FGF9: variants seen among roughly 807,000 people sequenced by gnomAD.
The protein encoded by FGF9 is fibroblast growth factor 9, also known as fibroblast growth factor 9 (glia-activating factor).
In FGF9, 3 loss-of-function variants were observed where a neutral mutation model predicts 19.9. The ratio of observed to expected loss-of-function variants is 0.15; its 90% CI spans 0.07 to 0.39. FGF9 has a LOEUF of 0.39. Among genes scored for constraint, FGF9 ranks in the 10% least tolerant of loss-of-function variants. The pLI is 1.00. For synonymous variants in FGF9, 107 were observed against 106.9 expected (o/e 1.00, Z -0.01); for missense variants, 175 against 256.8 (o/e 0.68, Z 2.18).
rs1872572593 is a variant in FGF9, at chr13:21,702,496, G to A, written c.*1061G>A. 6.6e-6 allele frequency: 1 copy of A among 152,124 alleles called. No homozygotes were observed. The highest frequency in any genetic ancestry group is 2.4e-5 in the African/African-American group (1 of 41,422). The allele number at this position is 152,124 out of a possible 1,614,324, so 9.4% of individuals were successfully genotyped here. ...GTCTTACTTGTTTAAATCTGTCGCA[G>A]AATATACCAAAGCTAAATAATAACT... On this transcript the variant is annotated 3_prime_UTR_variant, in exon 3 of 3. Coordinates refer to ENST00000382353, the MANE Select transcript of FGF9 (RefSeq NM_002010.3).
In FGF9 at chr13:21,695,395, A is replaced by T. The variant is rs552295897; in HGVS notation, c.382-5795A>T. 4.6e-5 allele frequency among the ~76,000 whole-genome samples: 7 copies of T among 152,144 alleles called. 1 individual carries two copies. The South Asian group carries it at 1.5e-3, about 32-fold the overall frequency. On this transcript the variant is annotated intron_variant, in intron 2 of 2. Coordinates refer to ENST00000382353, the MANE Select transcript of FGF9 (RefSeq NM_002010.3). The stretch of plus-strand genomic sequence containing the variant: ...GCAATTTTGATGGCCAGGAATGTGG[A>T]TATAAAAGCAGGGCCCATCTGGAAT...
At chr13:21,688,752 A>ATTGTTTT (rs369535131) in intron 2 of FGF9, among the ~76,000 whole-genome samples, 4 of 139,992 alleles carry the variant, frequency 2.9e-5, no homozygotes, top group African/African-American at 8.0e-5. Context: ...ATTTTGGAGG[A>ATTGTTTT]TTTTTTTTTT....
At chr13:21,679,536 A>G (rs1871989476) in intron 1 of FGF9, among the ~76,000 whole-genome samples, 1 of 152,116 alleles carries the variant, frequency 6.6e-6, no homozygotes, top group Admixed American at 6.5e-5. Flanking sequence ...ATTTGAAAGT[A>G]TTTTTAAAAC....
intron 2 of FGF9, among the ~76,000 whole-genome samples, chr13:21,684,496 C>G (rs1409343591): frequency 1.3e-5 from 2 of 152,112 alleles, no homozygotes; most frequent in Non-Finnish European, 2.9e-5. Flanking sequence ...CTGCTGTGTA[C>G]TTAGGTCTCC....
In FGF9 at chr13:21,672,857, C is replaced by T. The variant is rs1243107379; in HGVS notation, c.277+668C>T. On this transcript the variant is annotated intron_variant, in intron 1 of 2. Coordinates refer to ENST00000382353, the MANE Select transcript of FGF9 (RefSeq NM_002010.3). This position sits in a 1 kb window ranked among gnomAD's most constrained non-coding sequence, Gnocchi z 4.2. ...GTCCTTCCAGCTATCAAGTGATAAC[C>T]TCTGCTTTTAAATTTCCATAGTGTG... Among the ~76,000 whole-genome samples the T allele has an allele frequency of 6.6e-6, 1 of 152,224 alleles. No homozygotes were observed. The highest frequency in any genetic ancestry group is 6.5e-5 in the Admixed American group (1 of 15,288).
chr13:21,671,368 A>G lies in FGF9; in HGVS notation c.-545A>G. ...GAGGGGAGATTTGTCGCCGCCACCA[A>G]CGTGAGATTTTTTTTTCCCCTTGAA... On this transcript the variant is annotated 5_prime_UTR_variant, in exon 1 of 3. Coordinates refer to ENST00000382353, the MANE Select transcript of FGF9 (RefSeq NM_002010.3). 2.5e-6 allele frequency: 1 copy of G among 396,044 alleles called. No homozygotes were observed. The highest frequency in any genetic ancestry group is 4.4e-6 in the Non-Finnish European group (1 of 225,200). The allele number at this position is 396,044 out of a possible 1,614,324, so 24.5% of individuals were successfully genotyped here.
intron 1 of FGF9, among the ~76,000 whole-genome samples, chr13:21,678,714 C>T (rs950969097): frequency 5.9e-5 from 9 of 152,168 alleles, no homozygotes; most frequent in Non-Finnish European, 1.3e-4. Context: ...TCACATGCTC[C>T]CTTAGAAGCT....
At position 21,671,941 on chromosome 13, in the gene FGF9, A is replaced by C; in HGVS notation, c.29A>C (p.Tyr10Ser). The change falls in exon 1 of 3, where the codon TAT (tyrosine) becomes TCT (serine). Residue 10 changes from tyrosine to serine, a missense_variant. Transcript: ENST00000382353. The part of the protein sequence containing the change: MAPLGEVGN[Y>S]FGVQDAVPFG... ...GCTCCCTTAGGTGAAGTTGGGAACT[A>C]TTTCGGTGTGCAGGATGCGGTACCG... 6.2e-7 allele frequency: 1 copy of C among 1,614,030 alleles called. No homozygotes were observed. Among genetic ancestry groups the C allele is most frequent in the Non-Finnish European group, 8.5e-7 (1 of 1,180,008 alleles).
Position 21,671,906 on chromosome 13 carries a change from T to A in FGF9, c.-7T>A, listed in dbSNP as rs1483244171. 4 of 1,614,106 alleles carry A rather than the reference T, an allele frequency of 2.5e-6. No individual in the cohort carries two copies. Among genetic ancestry groups the A allele is most frequent in the Non-Finnish European group, 3.4e-6 (4 of 1,180,024 alleles). ...TTATTCTTGTGCTCCAAAAGCCGAG[T>A]CCTCTGATGGCTCCCTTAGGTGAAG... is the stretch of plus-strand genomic sequence containing the variant. On this transcript the variant is annotated 5_prime_UTR_variant, in exon 1 of 3. Transcript: ENST00000382353.
In FGF9 at chr13:21,703,483, T is replaced by G. The variant is rs1345205104; in HGVS notation, c.*2048T>G. 6.6e-6 allele frequency: 1 copy of G among 152,228 alleles called. No homozygotes were observed. The highest frequency in any genetic ancestry group is 6.5e-5 in the Admixed American group (1 of 15,278). 9.4% of individuals were successfully genotyped at this position (152,228 alleles called of 1,614,324 possible). On this transcript the variant is annotated 3_prime_UTR_variant, in exon 3 of 3. Transcript: ENST00000382353. ...TAAAATAGTTGATTTATGATAAAGC[T>G]CAGAATGTCCTCTTCATTTATTTTC...
intron 1 of FGF9, among the ~76,000 whole-genome samples, chr13:21,674,913 A>G (rs1871871174): frequency 6.6e-6 from 1 of 151,344 alleles, no homozygotes. Flanking sequence ...ACCGTTAAAC[A>G]AAAAGCTAGA....
At position 21,701,992 on chromosome 13, in the gene FGF9, A is replaced by G. The variant is rs1353154409; in HGVS notation, c.*557A>G. ...AAGCAAAGACCTCTTAGTAAAAAAT[A>G]AAAAAAAATAAAAAATAAAAATAAA... On this transcript the variant is annotated 3_prime_UTR_variant, in exon 3 of 3. Transcript: ENST00000382353. 6.6e-6 allele frequency: 1 copy of G among 150,800 alleles called. No homozygotes were observed. The highest frequency in any genetic ancestry group is 1.5e-5 in the Non-Finnish European group (1 of 67,640). 9.3% of individuals were successfully genotyped at this position (150,800 alleles called of 1,614,324 possible).
chr13:21,673,881 A>G (rs1479053180), intron 1 of FGF9: 1 of 151,256 alleles, frequency 6.6e-6, no homozygotes, highest in Non-Finnish European at 1.5e-5. Context: ...CGGCGCACTT[A>G]GCGGCTGCCC....
At chr13:21,690,519 T>C (rs1248253210) in intron 2 of FGF9, among the ~76,000 whole-genome samples, 1 of 152,234 alleles carries the variant, frequency 6.6e-6, no homozygotes, top group Non-Finnish European at 1.5e-5. Context: ...CAAGTCTTAT[T>C]GATTACCTAC....
At position 21,672,069 on chromosome 13, in the gene FGF9, G is replaced by T; in HGVS notation, c.157G>T (p.Asp53Tyr). Residue 53 changes from aspartate (D) to tyrosine (Y), a missense_variant, in exon 1 of 3, where the codon GAC (aspartate) becomes TAC (tyrosine). Transcript: ENST00000382353. The surrounding 1 kb of genome is among the most constrained non-coding windows in gnomAD (Gnocchi z 4.2). ...GCTCCCCAGGGGACCCGCAGTCACG[G>T]ACTTGGATCATTTAAAGGGGATTCT... Reference protein sequence around the residue: ...GGLPRGPAVTDLDHLKGILRR... With the variant: ...GGLPRGPAVTYLDHLKGILRR... 2 of 1,614,248 alleles carry T rather than the reference G, an allele frequency of 1.2e-6. No homozygotes were observed. Among genetic ancestry groups the T allele is most frequent in the Non-Finnish European group, 1.7e-6 (2 of 1,180,042 alleles).
chr13:21,701,248 C>T lies in FGF9; in HGVS notation c.440C>T (p.Thr147Met), dbSNP rs963305629. 3 of 1,613,260 alleles carry T rather than the reference C, an allele frequency of 1.9e-6. No homozygotes were observed. Among genetic ancestry groups the T allele is most frequent in the Non-Finnish European group, 2.5e-6 (3 of 1,179,500 alleles). The change falls in exon 3 of 3, where the codon ACG (threonine) becomes ATG (methionine). Residue 147 changes from threonine (T) to methionine (M), a missense_variant. Transcript: ENST00000382353. ...CAGTTCGAAGAAAACTGGTATAATA[C>T]GTACTCATCAAACCTATATAAGCAC... is the stretch of plus-strand genomic sequence containing the variant. ...REQFEENWYN[T>M]YSSNLYKHVD...
At chr13:21,679,474 T>C (rs1593091972) in intron 1 of FGF9, among the ~76,000 whole-genome samples, 3 of 152,284 alleles carry the variant, frequency 2.0e-5, no homozygotes, top group East Asian at 1.9e-4. Context: ...CTATAGCACA[T>C]TGTTACCCTA....
Position 21,694,686 on chromosome 13 carries a change from A to AT in FGF9, c.382-6495dup, listed in dbSNP as rs978055051. On this transcript the variant is annotated intron_variant, in intron 2 of 2. Coordinates refer to ENST00000382353, the MANE Select transcript of FGF9 (RefSeq NM_002010.3). ...CTATGGGGGAAAAATGTTATATGTG[A>AT]TTTTTTTTTCAACTTGATGTTGTAA... Among the ~76,000 whole-genome samples, 11 of 151,124 alleles carry AT rather than the reference A, an allele frequency of 7.3e-5. No individual in the cohort carries two copies. The East Asian group carries it at 7.8e-4, about 11-fold the overall frequency.
At chr13:21,689,481 C>T (rs1872238887) in intron 2 of FGF9, among the ~76,000 whole-genome samples, 1 of 151,712 alleles carries the variant, frequency 6.6e-6, no homozygotes, top group African/African-American at 2.4e-5. Context: ...ATGGACTAGG[C>T]AGACCCTAGT....
Sources: allele counts gnomAD v4.1 joint callset (sites outside exome capture counted in the v4.1 genomes callset), GRCh38; gene constraint gnomAD v4.1.1; non-coding constraint Gnocchi (gnomAD v3.1); transcripts MANE v1.5; gene names NCBI Gene and HGNC (gene_info 2026-07-23, HGNC 2026-07-21).